The following AVIL variants were observed in gnomAD, a reference collection of about 807,000 sequenced individuals.
AVIL encodes advillin.
Under a neutral mutation model 109.9 loss-of-function variants are expected in AVIL, and 78 were observed. That is an observed-to-expected ratio of 0.71 (90% confidence interval 0.59 to 0.86). AVIL has a LOEUF of 0.86. AVIL is among the 40% of genes least tolerant of loss of function. The probability of loss-of-function intolerance (pLI) is 0.00; values close to 1 mark genes in which losing one functional copy is unlikely to be tolerated. For missense variants in AVIL, 892 were observed against 1,016.5 expected, an observed-to-expected ratio of 0.88 and a Z score of 1.67; for synonymous variants, 367 against 379.1, an observed-to-expected ratio of 0.97 and a Z score of 0.37.
At chr12:57,814,073 TCAC>T (rs1956071542) in intron 3 of AVIL, 76 bp downstream of exon 3, 3 of 1,483,358 alleles carry the variant, frequency 2.0e-6, no homozygotes, top group Non-Finnish European at 2.8e-6. Context: ...CTACCTTCCC[TCAC>T]CAGCACATCT....
Position 57,810,859 on chromosome 12 carries a change from A to C in AVIL, c.515T>G (p.Ile172Ser), listed in dbSNP as rs757550621. The change falls in exon 6 of 20, where the codon ATC becomes AGC. Residue 172 changes from isoleucine to serine, a missense_variant. Ile to Ser is a moderately radical substitution (Grantham distance 142). Transcript: ENST00000549994. ...GTTGCTCTCTGGGCCATTCCATTGG[A>C]TGATGACTTTCCCAAGGTCCAGCAA... ...VFLLDLGKVI[I>S]QWNGPESNSG... 3 of 1,614,164 alleles carry C rather than the reference A, an allele frequency of 1.9e-6. No individual in the cohort carries two copies.
At chr12:57,802,683 TAA>T (rs957293920) in intron 16 of AVIL, 3 of 626,870 alleles carry the variant, frequency 4.8e-6, no homozygotes, top group African/African-American at 1.8e-5. Context: ...TCTTCTTTAC[TAA>T]ACTTGTATCT....
chr12:57,803,391 T>A lies in AVIL; in HGVS notation c.1818A>T (p.Arg606Ser). 6.2e-7 allele frequency: 1 copy of A among 1,614,188 alleles called. No individual in the cohort carries two copies. The highest frequency in any genetic ancestry group is 8.5e-7 in the Non-Finnish European group (1 of 1,180,026). The stretch of plus-strand genomic sequence containing the variant: ...GGACATCTAGGATTTCCTGCTGAAG[T>A]CTGCAATATAGTCCATTTAAGGGCA... The part of the protein sequence containing the change: ...GGKTPYANDK[R>S]LQQEILDVQS... Residue 606 changes from arginine (R) to serine (S), a missense_variant and splice_region_variant, in exon 16 of 20, where the codon AGA (arginine) becomes AGT (serine). Coordinates refer to ENST00000549994, the MANE Select transcript of AVIL (RefSeq NM_006576.4).
At chr12:57,812,830 C>T (rs1039163469) in intron 4 of AVIL, among the ~76,000 whole-genome samples, 1 of 151,286 alleles carries the variant, frequency 6.6e-6, no homozygotes, top group African/African-American at 2.5e-5. Flanking sequence ...GTCCAGTCTC[C>T]GAGTGATGGA....
At chr12:57,817,392 T>C (rs973039104) in intron 1 of AVIL, among the ~76,000 whole-genome samples, 3 of 150,350 alleles carry the variant, frequency 2.0e-5, no homozygotes, top group African/African-American at 7.4e-5. Flanking sequence ...CAAAAAACCA[T>C]AAAGCTCAAA....
chr12:57,802,851 C>G (rs554380506), intron 16 of AVIL: 1 of 560,848 alleles, frequency 1.8e-6, no homozygotes, highest in African/African-American at 1.9e-5. Flanking sequence ...CATCCCTACT[C>G]CACTGCCCTT....
chr12:57,798,050 C>G (rs1955771426), intron 19 of AVIL, 55 bp from the exon 20 acceptor site: 2 of 1,387,620 alleles, frequency 1.4e-6, no homozygotes, highest in Admixed American at 4.2e-5. Flanking sequence ...TCATTGCCAA[C>G]AGAAGTTGAG....
At position 57,807,601 on chromosome 12, in the gene AVIL, A is replaced by G; in HGVS notation, c.1321T>C (p.Tyr441His). The change falls in exon 12 of 20, where the codon TAC becomes CAC. Residue 441 changes from tyrosine (Y) to histidine (H), a missense_variant. Tyr to His is a moderately conservative substitution (Grantham distance 83). Transcript: ENST00000549994. ...EVNGKPHHIL[Y>H]IWQGRHASQD... is the part of the protein sequence containing the mutation. ...TGTGCCAGGCCTACCTGCCAGATGTACAAGATGTGATGTGGCTTCCCATTT... is the reference window on the plus strand; with the variant it reads ...TGTGCCAGGCCTACCTGCCAGATGTGCAAGATGTGATGTGGCTTCCCATTT... 1 of 1,614,242 alleles carries G rather than the reference A, an allele frequency of 6.2e-7. No individual in the cohort carries two copies. The highest frequency in any genetic ancestry group is 8.5e-7 in the Non-Finnish European group (1 of 1,180,038).
chr12:57,816,046 T>G lies in AVIL; in HGVS notation c.-6A>C. On this transcript the variant is annotated 5_prime_UTR_variant, in exon 2 of 20. Coordinates refer to ENST00000549994, the MANE Select transcript of AVIL (RefSeq NM_006576.4). ...AAGGCACTGGTCAGAGGCATGATGC[T>G]TGTCTTTCCAGGACTGAAACATCAC... 1 of 1,611,512 alleles carries G rather than the reference T, an allele frequency of 6.2e-7. No individual in the cohort carries two copies. The highest frequency in any genetic ancestry group is 8.5e-7 in the Non-Finnish European group (1 of 1,178,910).
At chr12:57,806,133 CTTTTT>C (rs372846869) in intron 14 of AVIL, 11 of 142,446 alleles carry the variant, frequency 7.7e-5, no homozygotes, top group Non-Finnish European at 1.1e-4. Context: ...CCGTGCCCAG[CTTTTT>C]TTTTTTTTTT....
At chr12:57,809,201 A>G (rs991075013) in intron 9 of AVIL, 17 of 195,614 alleles carry the variant, frequency 8.7e-5, no homozygotes, top group African/African-American at 3.5e-4. Flanking sequence ...GGGTTTCACT[A>G]TGTTGGCAGG....
At chr12:57,813,143 T>C (rs1956057964) in intron 4 of AVIL, 84 bp downstream of exon 4, 11 of 1,441,076 alleles carry the variant, frequency 7.6e-6, no homozygotes, top group Middle Eastern at 3.7e-4. Flanking sequence ...CTCTGATTAC[T>C]TTCTTGATAA....
In AVIL at chr12:57,808,549, C is replaced by T; in HGVS notation, c.940-1G>A. The T allele has an allele frequency of 6.2e-7, 1 of 1,613,780 alleles. No individual in the cohort carries two copies. Among genetic ancestry groups the T allele is most frequent in the Non-Finnish European group, 8.5e-7 (1 of 1,179,966 alleles). On this transcript the variant is annotated splice_acceptor_variant, in intron 9 of 19. Transcript: ENST00000549994. LOFTEE classifies it high-confidence loss of function. ...GGTAGCTCTTCATCTTGATGAAGCCCTGCAGAGCCACCCATTCCCAAAGGC... is the reference window on the plus strand; with the variant it reads ...GGTAGCTCTTCATCTTGATGAAGCCTTGCAGAGCCACCCATTCCCAAAGGC...
Position 57,803,529 on chromosome 12 carries a change from A to G in AVIL, c.1812T>C (p.Asp604=). Residue 604 remains aspartate (D), a synonymous_variant, in exon 15 of 20, where the codon GAT becomes GAC. Transcript: ENST00000549994. ...LLGGKTPYAN[D]KRLQQEILDV... ...GGGAGGCTGTGTTCCCATACCTTTT[A>G]TCATTGGCATAGGGAGTTTTCCCTC... The G allele has an allele frequency of 3.1e-6, 5 of 1,614,184 alleles. No individual in the cohort carries two copies. Among genetic ancestry groups the G allele is most frequent in the Middle Eastern group, 1.6e-4 (1 of 6,062 alleles).
chr12:57,802,507 A>G lies in AVIL; in HGVS notation c.1963-159T>C, dbSNP rs1223322323. The G allele has an allele frequency of 3.5e-6, 3 of 869,088 alleles. No homozygotes were observed. The South Asian group carries it at 4.3e-5, about 12-fold the overall frequency. 53.8% of individuals were successfully genotyped at this position (869,088 alleles called of 1,614,324 possible). A position where few individuals can be genotyped will look rare whatever the true frequency, so the allele number is the denominator to read the frequency against. ...TTGTTCAGCAGAGAAAGGTTTTCCC[A>G]GAATCAGCTTGATGTTTATCATTTT... On this transcript the variant is annotated intron_variant, in intron 16 of 19. Coordinates refer to ENST00000549994, the MANE Select transcript of AVIL (RefSeq NM_006576.4).
At chr12:57,808,339 T>C (rs1409627292) in intron 10 of AVIL, 45 bp from the exon 11 acceptor site, 1 of 1,613,938 alleles carries the variant, frequency 6.2e-7, no homozygotes, top group Admixed American at 1.7e-5. Context: ...AAGAAGCATC[T>C]GTGCCTGCTT....
intron 14 of AVIL, 179 bp downstream of exon 14, chr12:57,806,181 C>T: frequency 3.1e-6 from 1 of 318,876 alleles, no homozygotes; most frequent in South Asian, 3.4e-5. Flanking sequence ...CATGAATTTG[C>T]ATGCCATCCT....
intron 18 of AVIL, 95 bp downstream of exon 18, chr12:57,801,049 C>T: frequency 1.0e-6 from 1 of 996,314 alleles, no homozygotes; most frequent in Non-Finnish European, 1.5e-6. Flanking sequence ...ATACTAAGGA[C>T]ATGAGTTTTG....
chr12:57,797,831 GC>G lies in AVIL; in HGVS notation c.*50del. ...GTGGATAAATTATTTCCTGATATTGGCACTATCTGCTCTTTTCTGTGGCCTT... is the reference window on the plus strand; with the variant it reads ...GTGGATAAATTATTTCCTGATATTGGACTATCTGCTCTTTTCTGTGGCCTT... On this transcript the variant is annotated 3_prime_UTR_variant, in exon 20 of 20. Coordinates refer to ENST00000549994, the MANE Select transcript of AVIL (RefSeq NM_006576.4). The G allele has an allele frequency of 7.5e-7, 1 of 1,339,056 alleles. No individual in the cohort carries two copies. Among genetic ancestry groups the G allele is most frequent in the Non-Finnish European group, 1.0e-6 (1 of 984,044 alleles). The allele number at this position is 1,339,056 out of a possible 1,614,324, so 82.9% of individuals were successfully genotyped here. A position where few individuals can be genotyped will look rare whatever the true frequency, so the allele number is the denominator to read the frequency against.
Sources: allele counts gnomAD v4.1 joint callset (sites outside exome capture counted in the v4.1 genomes callset), GRCh38; gene constraint gnomAD v4.1.1; transcripts MANE v1.5; gene names NCBI Gene and HGNC (gene_info 2026-07-23, HGNC 2026-07-21).